NETO1: variants seen among roughly 807,000 people sequenced by gnomAD.
NETO1 encodes neuropilin and tolloid like 1.
A neutral mutation model predicts 61.3 loss-of-function variants in NETO1; 26 were observed. That is an observed-to-expected ratio of 0.42 (90% CI 0.31 to 0.59). The LOEUF (loss-of-function observed/expected upper bound fraction) is 0.59. NETO1 is among the 20% of genes least tolerant of loss of function. NETO1 has a pLI of 0.12. For synonymous variants in NETO1, 225 were observed against 225.8 expected, an observed-to-expected ratio of 1.00 and a Z score of 0.03; for missense variants, 531 against 662.8, an observed-to-expected ratio of 0.80 and a Z score of 2.18.
intron 9 of NETO1, among the ~76,000 whole-genome samples, chr18:72,749,312 A>T (rs1209885225): frequency 6.6e-6 from 1 of 152,194 alleles, no homozygotes; most frequent in Non-Finnish European, 1.5e-5. Context: ...GCTAGTAAAC[A>T]TGCAAAACGA....
At chr18:72,841,915 T>G (rs754850653) in intron 4 of NETO1, among the ~76,000 whole-genome samples, 3 of 152,220 alleles carry the variant, frequency 2.0e-5, no homozygotes, top group South Asian at 2.1e-4. Context: ...TTGTGCCACC[T>G]TGAAATTCAT....
chr18:72,769,835 T>G (rs1442946496), intron 7 of NETO1, among the ~76,000 whole-genome samples: 1 of 152,120 alleles, frequency 6.6e-6, no homozygotes, highest in African/African-American at 2.4e-5. Context: ...AGAGTATATG[T>G]ACATTCCCAG....
At chr18:72,763,009 T>G (rs1224643481) in intron 7 of NETO1, among the ~76,000 whole-genome samples, 1 of 152,218 alleles carries the variant, frequency 6.6e-6, no homozygotes, top group Non-Finnish European at 1.5e-5. Context: ...GTTATAGATG[T>G]ACCTCCGATT....
At chr18:72,771,388 G>T (rs2071346602) in intron 7 of NETO1, among the ~76,000 whole-genome samples, 1 of 152,096 alleles carries the variant, frequency 6.6e-6, no homozygotes, top group Non-Finnish European at 1.5e-5. Context: ...GGGAGTATGT[G>T]GTGGGAGTGT....
At chr18:72,767,388 C>T (rs2071202834) in intron 7 of NETO1, among the ~76,000 whole-genome samples, 1 of 152,028 alleles carries the variant, frequency 6.6e-6, no homozygotes, top group South Asian at 2.1e-4. Context: ...TATTCTTGTC[C>T]AAGTGATTCC....
At chr18:72,772,823 CTCTA>C (rs2071414988) in intron 7 of NETO1, among the ~76,000 whole-genome samples, 7 of 38,860 alleles carry the variant, frequency 1.8e-4, no homozygotes, top group African/African-American at 4.7e-4. Flanking sequence ...CTCTCTCTCT[CTCTA>C]TATATATATA....
intron 7 of NETO1, among the ~76,000 whole-genome samples, chr18:72,768,921 C>T (rs1438792760): frequency 6.6e-6 from 1 of 152,214 alleles, no homozygotes; most frequent in African/African-American, 2.4e-5. Flanking sequence ...TAAACATATG[C>T]TAATTTGCTA....
chr18:72,746,281 A>G lies in NETO1; in HGVS notation c.*1898T>C, dbSNP rs1356085713. 6.6e-6 allele frequency among the ~76,000 whole-genome samples: 1 copy of G among 152,168 alleles called. No homozygotes were observed. Among genetic ancestry groups the G allele is most frequent in the Admixed American group, 6.5e-5 (1 of 15,270 alleles). ...GGAGAAAGCAATATAAGATATGATT[A>G]ATCCTTTAAAAAAATCTTTGGTGTA... On this transcript the variant is annotated 3_prime_UTR_variant, in exon 11 of 11. Coordinates refer to ENST00000327305, the MANE Select transcript of NETO1 (RefSeq NM_138966.5).
In NETO1 at chr18:72,839,817, A is replaced by G. The variant is rs577566952; in HGVS notation, c.469+19009T>C. Among the ~76,000 whole-genome samples the G allele has an allele frequency of 9.7e-4, 147 of 152,308 alleles. 1 individual carries two copies. Among genetic ancestry groups the G allele is most frequent in the African/African-American group, 3.4e-3 (142 of 41,564 alleles). On this transcript the variant is annotated intron_variant, in intron 4 of 10. Transcript: ENST00000327305. Reference sequence around the variant, plus strand: ...ACATGTTATAAGTTTTTTGTCCTAAATTTAACCACAGCCCTTTGTATTTAC... The same window carrying G: ...ACATGTTATAAGTTTTTTGTCCTAAGTTTAACCACAGCCCTTTGTATTTAC...
At chr18:72,805,899 A>G (rs1056117624) in intron 4 of NETO1, among the ~76,000 whole-genome samples, 3 of 152,186 alleles carry the variant, frequency 2.0e-5, no homozygotes, top group African/African-American at 7.2e-5. Context: ...ATGGTTAAAA[A>G]CACAAATATG....
intron 4 of NETO1, among the ~76,000 whole-genome samples, chr18:72,819,272 T>A (rs2073120135): frequency 6.6e-6 from 1 of 152,170 alleles, no homozygotes; most frequent in Admixed American, 6.5e-5. Flanking sequence ...ACCTATGTAA[T>A]TATTCAGGAA....
chr18:72,783,761 G>A lies in NETO1; in HGVS notation c.785C>T (p.Thr262Met), dbSNP rs1257443458. The A allele has an allele frequency of 1.2e-6, 2 of 1,614,168 alleles. No homozygotes were observed. Among genetic ancestry groups the A allele is most frequent in the Non-Finnish European group, 8.5e-7 (1 of 1,180,018 alleles). The change falls in exon 7 of 11, where the codon ACG (threonine) becomes ATG (methionine). Residue 262 changes from threonine to methionine, a missense_variant. By Grantham distance (81) the Thr-to-Met change is moderately conservative (BLOSUM62 -1). Transcript: ENST00000327305. ...STVANDVMLR[T>M]GLGVIRMWAD... Reference sequence around the variant, plus strand: ...CCACATGCGGATCACCCCAAGACCCGTGCGTAGCATGACATCATTAGCCAC... The same window carrying A: ...CCACATGCGGATCACCCCAAGACCCATGCGTAGCATGACATCATTAGCCAC...
chr18:72,819,847 T>C (rs980949022), intron 4 of NETO1, among the ~76,000 whole-genome samples: 2 of 152,134 alleles, frequency 1.3e-5, no homozygotes, highest in Admixed American at 1.3e-4. Flanking sequence ...TGTTAATTTA[T>C]ATTTAGAATG....
intron 7 of NETO1, among the ~76,000 whole-genome samples, chr18:72,761,316 C>T (rs2070964888): frequency 6.6e-6 from 1 of 152,246 alleles, no homozygotes; most frequent in East Asian, 1.9e-4. Context: ...TTGCTACAAC[C>T]AAGTCTAATA....
intron 4 of NETO1, among the ~76,000 whole-genome samples, chr18:72,843,687 C>T (rs1042522812): frequency 6.6e-6 from 1 of 152,136 alleles, no homozygotes; most frequent in African/African-American, 2.4e-5. Context: ...CAGAAAAAAA[C>T]GTCCCTCTGT....
chr18:72,839,131 A>AT (rs961673338), intron 4 of NETO1, among the ~76,000 whole-genome samples: 8 of 152,234 alleles, frequency 5.3e-5, no homozygotes, highest in African/African-American at 1.4e-4. Context: ...TAAATGATCA[A>AT]TTTTTTTATC....
intron 4 of NETO1, among the ~76,000 whole-genome samples, chr18:72,813,962 T>C: frequency 6.6e-6 from 1 of 152,070 alleles, no homozygotes; most frequent in East Asian, 1.9e-4. Flanking sequence ...GTAATTAGGT[T>C]GATACCTGAT....
intron 7 of NETO1, among the ~76,000 whole-genome samples, chr18:72,761,316 C>A (rs2070964888): frequency 6.6e-6 from 1 of 152,128 alleles, no homozygotes; most frequent in Non-Finnish European, 1.5e-5. Context: ...TTGCTACAAC[C>A]AAGTCTAATA....
At chr18:72,847,012 T>C (rs2074110888) in intron 4 of NETO1, among the ~76,000 whole-genome samples, 1 of 152,256 alleles carries the variant, frequency 6.6e-6, no homozygotes, top group South Asian at 2.1e-4. Context: ...AAGGTTGCAC[T>C]GGTTTTTGTT....
Sources: allele counts gnomAD v4.1 joint callset (sites outside exome capture counted in the v4.1 genomes callset), GRCh38; gene constraint gnomAD v4.1.1; transcripts MANE v1.5; gene names NCBI Gene and HGNC (gene_info 2026-07-23, HGNC 2026-07-21).